The following SLC71A2 variants were observed in gnomAD, a reference collection of about 807,000 sequenced individuals.
SLC71A2 encodes hippocampus abundant transcript-like 1.
chr9:94,383,919 A>C, the SLC71A2 span, among the ~76,000 whole-genome samples: 4 of 152,124 alleles, frequency 2.6e-5, no homozygotes, highest in Non-Finnish European at 5.9e-5. Context: ...ACATAAATGT[A>C]ATTTTTTAAA....
chr9:94,410,515 C>T, the SLC71A2 span, among the ~76,000 whole-genome samples: 6 of 152,022 alleles, frequency 3.9e-5, no homozygotes, highest in Admixed American at 1.3e-4. Flanking sequence ...TGCACACCAC[C>T]GCTCCTGGCT....
At chr9:94,456,356 A>G in the SLC71A2 span, 19 of 1,600,514 alleles carry the variant, frequency 1.2e-5, no homozygotes, top group Non-Finnish European at 1.5e-5. Context: ...ACTGCCCCCC[A>G]CTTGTTTTTC....
the SLC71A2 span, among the ~76,000 whole-genome samples, chr9:94,458,967 GTTAA>G: frequency 1.3e-5 from 2 of 152,292 alleles, no homozygotes; most frequent in Admixed American, 1.3e-4. Flanking sequence ...ACAAAAAGCA[GTTAA>G]TTAGTTGCCC....
At chr9:94,403,389 C>T in the SLC71A2 span, among the ~76,000 whole-genome samples, 22 of 151,902 alleles carry the variant, frequency 1.4e-4, no homozygotes, top group African/African-American at 4.3e-4. Context: ...CCACCCACCT[C>T]GGCCTCCCAA....
the SLC71A2 span, chr9:94,445,227 A>C: frequency 6.8e-7 from 1 of 1,471,494 alleles, no homozygotes; most frequent in Admixed American, 2.0e-5. Context: ...ATGTCTTTCT[A>C]AGCCAAGCAA....
At chr9:94,409,922 T>C in the SLC71A2 span, among the ~76,000 whole-genome samples, 4 of 140,488 alleles carry the variant, frequency 2.8e-5, no homozygotes, top group African/African-American at 1.1e-4. Context: ...TCAATAAATG[T>C]CTGTTAGGTT....
the SLC71A2 span, among the ~76,000 whole-genome samples, chr9:94,407,305 T>G: frequency 6.6e-6 from 1 of 152,070 alleles, no homozygotes; most frequent in Non-Finnish European, 1.5e-5. Context: ...CTTAATAAAC[T>G]GTTGAATTTG....
chr9:94,379,869 C>G, the SLC71A2 span, among the ~76,000 whole-genome samples: 1 of 152,146 alleles, frequency 6.6e-6, no homozygotes, highest in African/African-American at 2.4e-5. Context: ...TGCATACAAC[C>G]TCCTCTACGT....
At chr9:94,439,022 G>GTTGTTTTTT in the SLC71A2 span, among the ~76,000 whole-genome samples, 1 of 115,688 alleles carries the variant, frequency 8.6e-6, no homozygotes, top group African/African-American at 3.3e-5. Flanking sequence ...ATTTGAGTTC[G>GTTGTTTTTT]TTTTTTTTTT....
At chr9:94,416,355 A>T in the SLC71A2 span, among the ~76,000 whole-genome samples, 1 of 152,112 alleles carries the variant, frequency 6.6e-6, no homozygotes, top group Admixed American at 6.6e-5. Flanking sequence ...TCTCTAAAAA[A>T]ACAAAAATTA....
chr9:94,415,118 A>G, the SLC71A2 span: 1 of 1,440,824 alleles, frequency 6.9e-7, no homozygotes, highest in African/African-American at 1.4e-5. Flanking sequence ...TAGATTTCTT[A>G]TATTTCTTTG....
At chr9:94,448,201 C>G in the SLC71A2 span, among the ~76,000 whole-genome samples, 2 of 152,116 alleles carry the variant, frequency 1.3e-5, no homozygotes, top group Non-Finnish European at 2.9e-5. Flanking sequence ...GCTGAGGCAC[C>G]TTCAGTAGGT....
At chr9:94,419,247 A>G in the SLC71A2 span, among the ~76,000 whole-genome samples, 1 of 151,212 alleles carries the variant, frequency 6.6e-6, no homozygotes, top group Non-Finnish European at 1.5e-5. Flanking sequence ...CTGAGTAGCT[A>G]AGACTACAGT....
chr9:94,459,150 A>G, the SLC71A2 span: 2 of 1,609,796 alleles, frequency 1.2e-6, no homozygotes, highest in Non-Finnish European at 1.7e-6. Context: ...CTTGTTTTCC[A>G]CGTTCAACAG....
chr9:94,456,958 T>G, the SLC71A2 span, among the ~76,000 whole-genome samples: 2 of 43,802 alleles, frequency 4.6e-5, no homozygotes, highest in East Asian at 7.1e-4. Context: ...TTTCCCACCC[T>G]TCCTCCCCCC....
At chr9:94,379,450 C>T in the SLC71A2 span, among the ~76,000 whole-genome samples, 7 of 142,386 alleles carry the variant, frequency 4.9e-5, no homozygotes, top group Non-Finnish European at 7.6e-5. Context: ...TGCGGTGGCG[C>T]ACAATCATAG....
chr9:94,424,297 C>CTA, the SLC71A2 span, among the ~76,000 whole-genome samples: 1 of 151,684 alleles, frequency 6.6e-6, no homozygotes, highest in East Asian at 1.9e-4. Flanking sequence ...TGCAGTGGTG[C>CTA]GATCTCGGCT....
chr9:94,379,709 C>T, the SLC71A2 span, among the ~76,000 whole-genome samples: 1 of 152,128 alleles, frequency 6.6e-6, no homozygotes, highest in African/African-American at 2.4e-5. Context: ...GCATTGATAA[C>T]TTGTGCTTTG....
the SLC71A2 span, among the ~76,000 whole-genome samples, chr9:94,428,655 G>T: frequency 2.6e-5 from 3 of 114,584 alleles, no homozygotes; most frequent in African/African-American, 3.4e-5. Flanking sequence ...TGTTTTATTT[G>T]ATGAACTTAC....
Sources: gnomAD v4.1 joint callset for allele counts (sites outside exome capture counted in the v4.1 genomes callset) on GRCh38, gnomAD v4.1.1 for gene constraint, MANE v1.5 for transcripts, NCBI Gene and HGNC (gene_info 2026-07-23, HGNC 2026-07-21) for gene names.